The following TPR variants were observed in gnomAD, a reference collection of about 807,000 sequenced individuals.
TPR encodes the protein nucleoprotein TPR.
A neutral mutation model predicts 316.1 loss-of-function variants in TPR; 51 were observed. The observed-to-expected ratio is 0.16, with a 90% CI of 0.13 to 0.20. TPR has a LOEUF of 0.20. Among genes scored for constraint, TPR ranks in the 10% least tolerant of loss-of-function variants. TPR has a pLI of 1.00. For missense variants in TPR, 2,272 were observed against 2,754.8 expected (o/e 0.82, Z 3.92); for synonymous variants, 981 against 914.7 (o/e 1.07, Z -1.31).
chr1:186,322,233 G>C (rs1657795367), intron 45 of TPR, 85 bp downstream of exon 45: 1 of 1,305,806 alleles, frequency 7.7e-7, no homozygotes, highest in African/African-American at 1.5e-5. Flanking sequence ...AACAAACAAT[G>C]AGTTAACCAA....
rs1557990677 is a variant in TPR at position 186,325,802 on chromosome 1, C to T, written c.6074G>A (p.Gly2025Asp). Residue 2025 changes from glycine to aspartate, a missense_variant, in exon 42 of 51, where the codon GGT (glycine) becomes GAT (aspartate). Around this residue, in one of 10 missense-constraint regions of TPR, gnomAD observed 435 missense variants for 461.1 expected, o/e 0.94. Transcript: ENST00000367478. Reference protein sequence around the residue: ...GTETEESMGGGEGNHRAADSQ... With the variant: ...GTETEESMGGDEGNHRAADSQ... ...ATCAGCAGCTCTGTGATTACCTTCA[C>T]CTCCACCCATACTTTCTTCTGTTTC... is the stretch of plus-strand genomic sequence containing the variant. 2 of 1,613,686 alleles carry T rather than the reference C, an allele frequency of 1.2e-6. No individual in the cohort carries two copies. Among genetic ancestry groups the T allele is most frequent in the Non-Finnish European group, 1.7e-6 (2 of 1,179,734 alleles).
chr1:186,340,095 A>G (rs1658467937), intron 29 of TPR, among the ~76,000 whole-genome samples: 1 of 152,246 alleles, frequency 6.6e-6, no homozygotes, highest in Non-Finnish European at 1.5e-5. Context: ...TTAAGTACCT[A>G]ATTTCATTGA....
chr1:186,370,767 T>C (rs1487118657), intron 3 of TPR, among the ~76,000 whole-genome samples: 1 of 152,174 alleles, frequency 6.6e-6, no homozygotes, highest in East Asian at 1.9e-4. Flanking sequence ...AGATAATTTC[T>C]GTTGAATAAA....
chr1:186,357,694 T>C (rs1224098844), intron 13 of TPR, 71 bp from the exon 14 acceptor site: 2 of 1,370,574 alleles, frequency 1.5e-6, no homozygotes, highest in East Asian at 2.5e-5. Flanking sequence ...GAATGAAAGT[T>C]TTCAAATTAA....
intron 11 of TPR, 104 bp downstream of exon 11, chr1:186,360,169 A>G: frequency 7.2e-7 from 1 of 1,381,946 alleles, no homozygotes; most frequent in Non-Finnish European, 1.0e-6. Flanking sequence ...TCCACTAATT[A>G]TAAGATGATT....
chr1:186,347,908 G>A (rs1658730097), intron 21 of TPR, among the ~76,000 whole-genome samples: 1 of 152,160 alleles, frequency 6.6e-6, no homozygotes, highest in Non-Finnish European at 1.5e-5. Flanking sequence ...TCTTATGCCT[G>A]TCTTTAATCT....
intron 29 of TPR, 52 bp from the exon 30 acceptor site, chr1:186,339,824 G>A: frequency 6.8e-7 from 1 of 1,471,420 alleles, no homozygotes; most frequent in Non-Finnish European, 9.1e-7. Context: ...TGAAACAAAT[G>A]TGCTATAATA....
At position 186,334,349 on chromosome 1, in the gene TPR, T is replaced by C; in HGVS notation, c.5158A>G (p.Thr1720Ala). The change falls in exon 36 of 51, where the codon ACT becomes GCT. Residue 1720 changes from threonine to alanine, a missense_variant. Coordinates refer to ENST00000367478, the MANE Select transcript of TPR (RefSeq NM_003292.3). ...CCTTCCTGTGATTCCACTTGTGTAG[T>C]GGGCATCACTGTAGCTGTTGGGGTA... The part of the protein sequence containing the change: ...TTTPTATVMP[T>A]TQVESQEAMQ... 6.2e-7 allele frequency: 1 copy of C among 1,613,214 alleles called. No homozygotes were observed. Among genetic ancestry groups the C allele is most frequent in the Non-Finnish European group, 8.5e-7 (1 of 1,179,508 alleles).
In TPR at chr1:186,312,362, T is replaced by C; in HGVS notation, c.*1609A>G. The C allele has an allele frequency of 3.1e-6, 5 of 1,607,984 alleles. No individual in the cohort carries two copies. The highest frequency in any genetic ancestry group is 4.2e-6 in the Non-Finnish European group (5 of 1,177,974). On this transcript the variant is annotated 3_prime_UTR_variant, in exon 51 of 51. Transcript: ENST00000367478. ...AATATTCACCTGCCAGACTGGCTTA[T>C]CAAGACAAAGGTAACATTTTTATTG...
In TPR at chr1:186,313,506, G is replaced by C. The variant is rs1657436047; in HGVS notation, c.*465C>G. On this transcript the variant is annotated 3_prime_UTR_variant, in exon 51 of 51. Coordinates refer to ENST00000367478, the MANE Select transcript of TPR (RefSeq NM_003292.3). ...GTCAATCTTTTGAAACATCAAAAAA[G>C]CTGAAAAGTCTAGGCAATTGTTTTT... 1.8e-6 allele frequency: 1 copy of C among 551,304 alleles called. No individual in the cohort carries two copies. The highest frequency in any genetic ancestry group is 3.3e-5 in the Admixed American group (1 of 30,636). The allele number at this position is 551,304 out of a possible 1,614,324, so 34.2% of individuals were successfully genotyped here.
intron 4 of TPR, among the ~76,000 whole-genome samples, chr1:186,364,241 A>G (rs1659271958): frequency 6.6e-6 from 1 of 152,228 alleles, no homozygotes; most frequent in African/African-American, 2.4e-5. Flanking sequence ...TGATGTTGGA[A>G]GTACTTCTTC....
chr1:186,316,786 C>T (rs1035921117), intron 49 of TPR, among the ~76,000 whole-genome samples: 19 of 152,076 alleles, frequency 1.2e-4, no homozygotes, highest in African/African-American at 3.6e-4. Context: ...GAATATCTAC[C>T]GCACTGAGTT....
chr1:186,330,209 CT>C (rs1231898689), intron 39 of TPR, among the ~76,000 whole-genome samples: 1 of 152,128 alleles, frequency 6.6e-6, no homozygotes, highest in African/African-American at 2.4e-5. Context: ...GGTTCAGGGC[CT>C]GTCTGGCATG....
chr1:186,312,625 A>G lies in TPR; in HGVS notation c.*1346T>C. 2.2e-6 allele frequency: 2 copies of G among 913,356 alleles called. No homozygotes were observed. Among genetic ancestry groups the G allele is most frequent in the South Asian group, 3.0e-5 (2 of 65,974 alleles). The allele number at this position is 913,356 out of a possible 1,614,324, so 56.6% of individuals were successfully genotyped here. On this transcript the variant is annotated 3_prime_UTR_variant, in exon 51 of 51. Coordinates refer to ENST00000367478, the MANE Select transcript of TPR (RefSeq NM_003292.3). ...TACTATTTATCAAGTACTTCTTACC[A>G]AGAACATTATATACCAGTCTATAAC... is the stretch of plus-strand genomic sequence containing the variant.
chr1:186,367,289 A>G (rs533179397), intron 4 of TPR, among the ~76,000 whole-genome samples: 3 of 151,294 alleles, frequency 2.0e-5, no homozygotes, highest in Admixed American at 2.0e-4. Context: ...CTGCTCTTGG[A>G]CTCCTGACCT....
chr1:186,374,882 C>T lies in TPR; in HGVS notation c.147G>A (p.Glu49=), dbSNP rs749053076. The T allele has an allele frequency of 3.2e-5, 51 of 1,595,722 alleles. No homozygotes were observed. The highest frequency in any genetic ancestry group is 6.7e-5 in the African/African-American group (5 of 74,526). The change falls in exon 1 of 51, where the codon GAG becomes GAA. Residue 49 remains glutamate, a synonymous_variant. Transcript: ENST00000367478. ...CGGAAAGAGCATCTCACTTACCGCT[C>T]TCCACCTTAAATTTCTCATGCCGCC... The part of the protein sequence containing the change: ...LKGRHEKFKV[E]SEQQYFEIEK...
At chr1:186,373,155 A>C (rs1375153454) in intron 2 of TPR, among the ~76,000 whole-genome samples, 2 of 152,254 alleles carry the variant, frequency 1.3e-5, no homozygotes, top group African/African-American at 4.8e-5. Context: ...CAGAATAAGA[A>C]TCCAGACCTC....
chr1:186,362,961 T>C lies in TPR; in HGVS notation c.572A>G (p.His191Arg), dbSNP rs775336138. The C allele has an allele frequency of 5.2e-5, 83 of 1,607,202 alleles. No homozygotes were observed. The highest frequency in any genetic ancestry group is 6.7e-5 in the Non-Finnish European group (79 of 1,178,304). The part of the protein sequence containing the change: ...KRLEQEKELL[H>R]SQNTWLNTEL... ...TGTATTCAGCCATGTATTCTGACTA[T>C]GTAGCAATTCCTTTTCTTGCTCCAA... Residue 191 changes from histidine (H) to arginine (R), a missense_variant, in exon 6 of 51, where the codon CAT becomes CGT. By Grantham distance (29) the His-to-Arg change is conservative. Coordinates refer to ENST00000367478, the MANE Select transcript of TPR (RefSeq NM_003292.3).
chr1:186,327,689 T>C, intron 39 of TPR, 29 bp from the exon 40 acceptor site: 3 of 1,593,760 alleles, frequency 1.9e-6, no homozygotes, highest in Non-Finnish European at 1.7e-6. Context: ...TAAAAAAGAA[T>C]TAAGAGCCCT....
Sources: allele counts gnomAD v4.1 joint callset (sites outside exome capture counted in the v4.1 genomes callset), GRCh38; gene constraint gnomAD v4.1.1; regional missense constraint gnomAD v4.1.1; transcripts MANE v1.5; gene names NCBI Gene and HGNC (gene_info 2026-07-23, HGNC 2026-07-21).